SFMBT1: variants seen among roughly 807,000 people sequenced by gnomAD.
SFMBT1 encodes the protein Scm like with four mbt domains 1, also known as scm-like with four MBT domains protein 1.
Under a neutral mutation model 108.7 loss-of-function variants are expected in SFMBT1, and 32 were observed. That is an observed-to-expected ratio of 0.29 (90% confidence interval 0.22 to 0.40). The LOEUF (loss-of-function observed/expected upper bound fraction) is 0.40, where lower values mean the gene tolerates loss of function less well. Among genes scored for constraint, SFMBT1 ranks in the 10% least tolerant of loss-of-function variants. The pLI is 1.00. For synonymous variants in SFMBT1, 348 were observed against 369.5 expected (o/e 0.94, Z 0.67); for missense variants, 816 against 1,059.6 (o/e 0.77, Z 3.19).
intron 3 of SFMBT1, among the ~76,000 whole-genome samples, 171 bp from the exon 4 acceptor site, chr3:52,943,764 C>T (rs754570422): frequency 2.0e-5 from 3 of 152,168 alleles, no homozygotes; most frequent in African/African-American, 7.2e-5. Flanking sequence ...ATAAAACAAA[C>T]GAATAGCAAT....
At chr3:52,992,026 C>T (rs1483547125) in intron 1 of SFMBT1, among the ~76,000 whole-genome samples, 2 of 144,320 alleles carry the variant, frequency 1.4e-5, no homozygotes, top group African/African-American at 4.9e-5. Context: ...TAAAAAACTC[C>T]CACGACTACC....
At chr3:52,906,557 T>C (rs558142564) in intron 19 of SFMBT1, among the ~76,000 whole-genome samples, 1 of 152,322 alleles carries the variant, frequency 6.6e-6, no homozygotes, top group Non-Finnish European at 1.5e-5. Flanking sequence ...TTAACTAAAC[T>C]ACCAGGAGGA....
chr3:53,001,925 T>TCACA (rs59572829), intron 1 of SFMBT1, among the ~76,000 whole-genome samples: 11,561 of 128,938 alleles, frequency 0.09, 840 homozygotes, highest in East Asian at 0.11. Flanking sequence ...ACCCAGTCTC[T>TCACA]CACACACACA....
intron 1 of SFMBT1, among the ~76,000 whole-genome samples, chr3:52,974,942 T>A (rs1442414252): frequency 6.6e-6 from 1 of 151,164 alleles, no homozygotes; most frequent in Non-Finnish European, 1.5e-5. Flanking sequence ...AGGGCAAAGG[T>A]TGCAGTGAGC....
At chr3:52,945,519 T>C (rs1251363106) in intron 3 of SFMBT1, among the ~76,000 whole-genome samples, 2 of 151,304 alleles carry the variant, frequency 1.3e-5, no homozygotes, top group South Asian at 2.1e-4. Flanking sequence ...GAAATAAACA[T>C]TGCAAGAGCC....
chr3:53,040,687 T>C (rs1417641958), intron 1 of SFMBT1, among the ~76,000 whole-genome samples: 1 of 152,058 alleles, frequency 6.6e-6, no homozygotes, highest in African/African-American at 2.4e-5. Flanking sequence ...AATATCACCT[T>C]ATAGCCTCTC....
At chr3:53,014,233 A>C (rs1234978331) in intron 1 of SFMBT1, among the ~76,000 whole-genome samples, 4 of 152,240 alleles carry the variant, frequency 2.6e-5, no homozygotes, top group Non-Finnish European at 2.9e-5. Context: ...GGATTTCCTC[A>C]TCTTCTATCA....
At chr3:53,038,096 C>T (rs1699922501) in intron 1 of SFMBT1, among the ~76,000 whole-genome samples, 1 of 151,308 alleles carries the variant, frequency 6.6e-6, no homozygotes, top group Admixed American at 6.6e-5. Context: ...AAGAGCAAAA[C>T]TTTGTCTCAA....
In SFMBT1 at chr3:52,949,568, C is replaced by CTTTTTT. The variant is rs59842273; in HGVS notation, c.123+4743_123+4748dup. Among the ~76,000 whole-genome samples the CTTTTTT allele has an allele frequency of 1.6e-4, 12 of 77,412 alleles. 1 individual carries two copies. Among genetic ancestry groups the CTTTTTT allele is most frequent in the South Asian group, 1.0e-3 (2 of 2,004 alleles). The allele number at this position is 77,412 out of a possible 152,430, so 50.8% of individuals were successfully genotyped here. On this transcript the variant is annotated intron_variant, in intron 3 of 20. Transcript: ENST00000394752. ...CCCTTTATTATTATGTAATGTCCTT[C>CTTTTTT]TTTTTTTTTTTTTTTTTTTTTTTTT...
intron 1 of SFMBT1, among the ~76,000 whole-genome samples, chr3:52,993,697 C>A (rs1269190942): frequency 6.7e-6 from 1 of 149,418 alleles, no homozygotes; most frequent in Admixed American, 6.8e-5. Context: ...GAAAAAAATC[C>A]CATACAAAAA....
At chr3:52,987,307 G>A (rs143562850) in intron 1 of SFMBT1, among the ~76,000 whole-genome samples, 487 of 152,230 alleles carry the variant, frequency 3.2e-3, no homozygotes, top group African/African-American at 0.011. Flanking sequence ...CAAGTATTAT[G>A]TACTGTACAT....
intron 2 of SFMBT1, among the ~76,000 whole-genome samples, chr3:52,956,823 C>G (rs1001812702): frequency 5.3e-5 from 8 of 152,156 alleles, no homozygotes; most frequent in Admixed American, 3.9e-4. Context: ...TGGAACATAT[C>G]TCAAAATAAT....
chr3:53,043,845 T>C (rs904930298), intron 1 of SFMBT1, among the ~76,000 whole-genome samples: 1 of 152,238 alleles, frequency 6.6e-6, no homozygotes, highest in African/African-American at 2.4e-5. Context: ...ACATACAAGC[T>C]ATCCTCAGTT....
intron 1 of SFMBT1, among the ~76,000 whole-genome samples, chr3:52,998,249 G>A (rs529728764): frequency 1.7e-4 from 26 of 149,858 alleles, no homozygotes; most frequent in African/African-American, 5.1e-4. Flanking sequence ...AAAATTTGCC[G>A]GGCGTGGTGG....
intron 1 of SFMBT1, among the ~76,000 whole-genome samples, chr3:53,012,530 G>A (rs531690286): frequency 1.9e-4 from 29 of 152,004 alleles, no homozygotes; most frequent in Non-Finnish European, 3.7e-4. Flanking sequence ...AGCCTCCCGA[G>A]TAGCTGGGAC....
intron 14 of SFMBT1, among the ~76,000 whole-genome samples, chr3:52,914,572 A>G (rs1163785262): frequency 3.4e-5 from 3 of 87,698 alleles, no homozygotes; most frequent in Non-Finnish European, 7.7e-5. Flanking sequence ...CAAAAAACAA[A>G]AACAAAAACA....
At chr3:53,026,988 G>A (rs2106951243) in intron 1 of SFMBT1, among the ~76,000 whole-genome samples, 1 of 152,166 alleles carries the variant, frequency 6.6e-6, no homozygotes, top group Admixed American at 6.5e-5. Context: ...TCGCTAGGTT[G>A]CCCAGGCTGG....
At chr3:52,920,003 T>C (rs530156095) in intron 12 of SFMBT1, among the ~76,000 whole-genome samples, 1 of 152,194 alleles carries the variant, frequency 6.6e-6, no homozygotes, top group African/African-American at 2.4e-5. Context: ...ATAAAAGAGA[T>C]CCACAGAGCT....
intron 1 of SFMBT1, among the ~76,000 whole-genome samples, chr3:52,981,164 GAA>G (rs35322172): frequency 4.0e-4 from 43 of 107,424 alleles, no homozygotes; most frequent in Admixed American, 7.3e-4. Context: ...TTCCATCTCA[GAA>G]AAAAAAAAAA....
Sources: gnomAD v4.1 joint callset for allele counts (sites outside exome capture counted in the v4.1 genomes callset) on GRCh38, gnomAD v4.1.1 for gene constraint, MANE v1.5 for transcripts, NCBI Gene and HGNC (gene_info 2026-07-23, HGNC 2026-07-21) for gene names.